Variants in MTCH1 observed in about 807,000 individuals in gnomAD.
MTCH1 encodes mitochondrial carrier 1.
In MTCH1, 23 loss-of-function variants were observed where a neutral mutation model predicts 49.3. The observed-to-expected ratio is 0.47, with a 90% CI of 0.34 to 0.66. The LOEUF (loss-of-function observed/expected upper bound fraction) is 0.66, where lower values mean the gene tolerates loss of function less well. Among genes scored for constraint, MTCH1 ranks in the 30% least tolerant of loss-of-function variants. The pLI is 0.01. For missense variants in MTCH1, 397 were observed against 532.1 expected, an observed-to-expected ratio of 0.75 and a Z score of 2.50; for synonymous variants, 229 against 215.2, an observed-to-expected ratio of 1.06 and a Z score of -0.56.
At chr6:36,978,643 C>T in intron 2 of MTCH1, 32 bp from the exon 3 acceptor site, 1 of 1,602,458 alleles carries the variant, frequency 6.2e-7, no homozygotes. Context: ...AGAGGAGTCA[C>T]ACCCAGTTCA....
In MTCH1 at chr6:36,981,649, G is replaced by A. The variant is rs1281638672; in HGVS notation, c.345C>T (p.Pro115=). Residue 115 remains proline (P), a synonymous_variant, in exon 2 of 12, where the codon CCC becomes CCT. Transcript: ENST00000373627. ...TCCCCAGCACATTGGTCCCAAGGGTGGGGGGCATCGGCTCATGACCCACCT... is the reference window on the plus strand; with the variant it reads ...TCCCCAGCACATTGGTCCCAAGGGTAGGGGGCATCGGCTCATGACCCACCT... The part of the protein sequence containing the change: ...LIQVGHEPMP[P]TLGTNVLGRK... The A allele has an allele frequency of 6.2e-7, 1 of 1,613,392 alleles. No homozygotes were observed. Among genetic ancestry groups the A allele is most frequent in the East Asian group, 2.2e-5 (1 of 44,798 alleles).
intron 2 of MTCH1, 58 bp downstream of exon 2, chr6:36,981,530 C>T: frequency 1.3e-6 from 2 of 1,547,310 alleles, no homozygotes; most frequent in South Asian, 1.1e-5. Context: ...GGTCCTGCTC[C>T]CCACCTGAGG....
intron 1 of MTCH1, 123 bp downstream of exon 1, chr6:36,985,730 C>G: frequency 4.6e-6 from 1 of 215,100 alleles, no homozygotes; most frequent in Non-Finnish European, 9.0e-6. Flanking sequence ...GCCCCCCAAA[C>G]CCGCCGTCCC....
chr6:36,985,823 C>T (rs1377791219), intron 1 of MTCH1, 30 bp downstream of exon 1: 1 of 1,549,520 alleles, frequency 6.5e-7, no homozygotes, highest in Non-Finnish European at 8.7e-7. Flanking sequence ...ATCAGCCTCC[C>T]ATCTCCCTAC....
chr6:36,974,060 G>C (rs893126252), intron 7 of MTCH1, among the ~76,000 whole-genome samples: 2 of 152,170 alleles, frequency 1.3e-5, no homozygotes, highest in African/African-American at 4.8e-5. Context: ...CATGCTGATA[G>C]GTATGTCACA....
Position 36,986,138 on chromosome 6 carries a change from A to G in MTCH1, c.36T>C (p.Ala12=), listed in dbSNP as rs1055515262. 1 of 1,434,298 alleles carries G rather than the reference A, an allele frequency of 7.0e-7. No homozygotes were observed. The highest frequency in any genetic ancestry group is 9.1e-7 in the Non-Finnish European group (1 of 1,102,512). The allele number at this position is 1,434,298 out of a possible 1,614,324, so 88.8% of individuals were successfully genotyped here. ...GASDPEVAPW[A]RGGAAGMAGA... Reference sequence around the variant, plus strand: ...CCGCCATCCCCGCGGCACCGCCGCGAGCCCAGGGCGCCACTTCCGGGTCCG... The same window carrying G: ...CCGCCATCCCCGCGGCACCGCCGCGGGCCCAGGGCGCCACTTCCGGGTCCG... The change falls in exon 1 of 12, where the codon GCT becomes GCC. Residue 12 remains alanine, a synonymous_variant. Coordinates refer to ENST00000373627, the MANE Select transcript of MTCH1 (RefSeq NM_001271641.2).
chr6:36,970,332 G>A (rs1763635576), intron 10 of MTCH1, 74 bp downstream of exon 10: 3 of 1,578,156 alleles, frequency 1.9e-6, no homozygotes, highest in Admixed American at 1.7e-5. Flanking sequence ...GCAGAGTGCT[G>A]GAAGGGCTCG....
At position 36,972,946 on chromosome 6, in the gene MTCH1, G is replaced by T; in HGVS notation, c.762-150C>A. The T allele has an allele frequency of 1.3e-6, 1 of 747,528 alleles. No individual in the cohort carries two copies. 46.3% of individuals were successfully genotyped at this position (747,528 alleles called of 1,614,324 possible). A position where few individuals can be genotyped will look rare whatever the true frequency, so the allele number is the denominator to read the frequency against. ...TTAGAAAGGAGGCCTGCAGGGTCCA[G>T]CAGCTATGCACACTGGGAAGATAGT... On this transcript the variant is annotated intron_variant, in intron 7 of 11. Transcript: ENST00000373627. This position sits in a 1 kb window ranked among gnomAD's most constrained non-coding sequence, Gnocchi z 4.1.
In MTCH1 at chr6:36,972,813, G is replaced by A. The variant is rs1166041351; in HGVS notation, c.762-17C>T. ...ATTAATCCACTAAAAAACAAGGTAA[G>A]CAGAGATGAGCAGGAGAGGGAGAGG... On this transcript the variant is annotated splice_polypyrimidine_tract_variant and intron_variant, in intron 7 of 11. Coordinates refer to ENST00000373627, the MANE Select transcript of MTCH1 (RefSeq NM_001271641.2). This position sits in a 1 kb window ranked among gnomAD's most constrained non-coding sequence, Gnocchi z 4.1. The A allele has an allele frequency of 1.3e-6, 2 of 1,539,456 alleles. No homozygotes were observed. Among genetic ancestry groups the A allele is most frequent in the African/African-American group, 1.4e-5 (1 of 72,800 alleles).
intron 1 of MTCH1, among the ~76,000 whole-genome samples, chr6:36,984,849 G>C (rs567966475): frequency 1.3e-5 from 2 of 151,964 alleles, no homozygotes; most frequent in Non-Finnish European, 2.9e-5. Flanking sequence ...TACCTATCCT[G>C]CCACCTATGT....
At chr6:36,976,784 GC>G (rs1763895147) in intron 6 of MTCH1, among the ~76,000 whole-genome samples, 1 of 152,210 alleles carries the variant, frequency 6.6e-6, no homozygotes, top group Non-Finnish European at 1.5e-5. Flanking sequence ...TGAGCCCCAA[GC>G]CCATGGGGTG....
chr6:36,973,221 C>T (rs1311629078), intron 7 of MTCH1, among the ~76,000 whole-genome samples: 1 of 152,160 alleles, frequency 6.6e-6, no homozygotes, highest in Non-Finnish European at 1.5e-5. Context: ...AATATTCTAT[C>T]AAAAAGATTC....
At chr6:36,981,476 T>C in intron 2 of MTCH1, 112 bp downstream of exon 2, 2 of 941,918 alleles carry the variant, frequency 2.1e-6, no homozygotes, top group Non-Finnish European at 3.2e-6. Context: ...CCATGCCAGC[T>C]CGACTGCGTG....
intron 11 of MTCH1, 168 bp downstream of exon 11, chr6:36,969,868 AATT>A (rs1763610791): frequency 2.6e-6 from 4 of 1,541,308 alleles, no homozygotes; most frequent in Non-Finnish European, 3.5e-6. Context: ...TCCTTTCTGA[AATT>A]ATGTAAGATG....
At chr6:36,970,602 G>T in intron 9 of MTCH1, 45 bp downstream of exon 9, 1 of 1,613,080 alleles carries the variant, frequency 6.2e-7, no homozygotes, top group Non-Finnish European at 8.5e-7. Flanking sequence ...GGCCCCGCTT[G>T]GGTCCGCAAG....
intron 2 of MTCH1, among the ~76,000 whole-genome samples, chr6:36,980,722 G>A (rs908672367): frequency 1.3e-5 from 2 of 152,216 alleles, no homozygotes; most frequent in East Asian, 1.9e-4. Context: ...AAGAGCAGAG[G>A]TGCAGGAAAC....
In MTCH1 at chr6:36,985,879, G is replaced by C. The variant is rs1041391575; in HGVS notation, c.295C>G (p.Leu99Val). ...GAGVTALSHP[L>V]LYVKLLIQVG... ...TGGATGAGCAGCTTCACGTAGAGCA[G>C]GGGATGGCTGAGCGCCGTCACGCCC... The change falls in exon 1 of 12, where the codon CTG becomes GTG. Residue 99 changes from leucine to valine, a missense_variant. By Grantham distance (32) the Leu-to-Val change is conservative. Coordinates refer to ENST00000373627, the MANE Select transcript of MTCH1 (RefSeq NM_001271641.2). The C allele has an allele frequency of 6.4e-7, 1 of 1,559,698 alleles. No homozygotes were observed. Among genetic ancestry groups the C allele is most frequent in the African/African-American group, 1.4e-5 (1 of 73,874 alleles).
At chr6:36,979,616 C>T (rs1347881824) in intron 2 of MTCH1, among the ~76,000 whole-genome samples, 2 of 152,126 alleles carry the variant, frequency 1.3e-5, no homozygotes, top group Non-Finnish European at 2.9e-5. Flanking sequence ...CACCTGTTAC[C>T]TGTATATGTG....
At chr6:36,986,235 A>G, upstream of MTCH1, 1 of 1,358,284 alleles carries the variant, frequency 7.4e-7, no homozygotes, top group Non-Finnish European at 9.5e-7. Flanking sequence ...CACCGGCGTC[A>G]GGGGGCGGGG....
Sources: allele counts gnomAD v4.1 joint callset (sites outside exome capture counted in the v4.1 genomes callset), GRCh38; gene constraint gnomAD v4.1.1; non-coding constraint Gnocchi (gnomAD v3.1); transcripts MANE v1.5; gene names NCBI Gene and HGNC (gene_info 2026-07-23, HGNC 2026-07-21).